The following TAFA2 variants were observed in gnomAD, a reference collection of about 807,000 sequenced individuals.
TAFA2 encodes the protein TAFA chemokine like family member 2.
A neutral mutation model predicts 18.8 loss-of-function variants in TAFA2; 7 were observed. The ratio of observed to expected loss-of-function variants is 0.37; its 90% CI spans 0.21 to 0.70. The LOEUF is 0.70. Among genes scored for constraint, TAFA2 ranks in the 30% least tolerant of loss-of-function variants. The pLI, the probability that TAFA2 is intolerant of heterozygous loss-of-function variation, is 0.53. For missense variants in TAFA2, 122 were observed against 158.1 expected (o/e 0.77, Z 1.23); for synonymous variants, 60 against 54.2 (o/e 1.11, Z -0.47).
chr12:62,147,729 C>CAAAAAAAAAAA (rs10552283), intron 1 of TAFA2, among the ~76,000 whole-genome samples: 1 of 76,376 alleles, frequency 1.3e-5, no homozygotes, highest in Non-Finnish European at 2.5e-5. Context: ...GACTCTGTCT[C>CAAAAAAAAAAA]AAAAAAAAAA....
In TAFA2 at chr12:62,127,606, G is replaced by A. The variant is rs779883513; in HGVS notation, c.-2+63653C>T. Among the ~76,000 whole-genome samples the A allele has an allele frequency of 5.9e-5, 9 of 151,956 alleles. No homozygotes were observed. The East Asian group carries it at 9.6e-4, about 16-fold the overall frequency. On this transcript the variant is annotated intron_variant, in intron 1 of 4. Coordinates refer to ENST00000416284, the MANE Select transcript of TAFA2 (RefSeq NM_178539.5). The stretch of plus-strand genomic sequence containing the variant: ...TTAAAGTCATTAATGGGGGATGGAC[G>A]TACTTTGAACTTCACGGTAGGCTTT...
chr12:62,259,323 T>C (rs888867006), upstream of TAFA2, among the ~76,000 whole-genome samples: 1 of 152,220 alleles, frequency 6.6e-6, no homozygotes, highest in African/African-American at 2.4e-5. Flanking sequence ...CCATCAGTAC[T>C]GTGCTAACCA....
chr12:61,792,191 C>A (rs192367452), intron 2 of TAFA2, among the ~76,000 whole-genome samples: 1 of 151,174 alleles, frequency 6.6e-6, no homozygotes, highest in Non-Finnish European at 1.5e-5. Flanking sequence ...GAATAGTGAA[C>A]CATGATTACC....
chr12:62,231,927 C>T (rs1346537945), intron 1 of TAFA2, among the ~76,000 whole-genome samples: 2 of 152,152 alleles, frequency 1.3e-5, no homozygotes, highest in Non-Finnish European at 2.9e-5. Context: ...TTGCTGGTCT[C>T]AAACTCCTGG....
intron 2 of TAFA2, among the ~76,000 whole-genome samples, chr12:61,794,614 T>C (rs185960469): frequency 4.6e-5 from 7 of 152,120 alleles, no homozygotes; most frequent in Non-Finnish European, 8.8e-5. Flanking sequence ...TTAGGTCCAT[T>C]GTAATCCTAA....
In TAFA2 at chr12:62,149,586, A is replaced by ATT. The variant is rs1281517379; in HGVS notation, c.-2+41671_-2+41672dup. On this transcript the variant is annotated intron_variant, in intron 1 of 4. Transcript: ENST00000416284. ...ATATTCTATTTATATATATATACACATTATATATATATATATACTCTTGAC... is the reference window on the plus strand; with the variant it reads ...ATATTCTATTTATATATATATACACATTTTATATATATATATATACTCTTGAC... Among the ~76,000 whole-genome samples the ATT allele has an allele frequency of 6.1e-5, 9 of 146,802 alleles. No homozygotes were observed. The South Asian group carries it at 1.5e-3, about 25-fold the overall frequency.
At chr12:62,064,431 A>C (rs1882434191) in intron 1 of TAFA2, among the ~76,000 whole-genome samples, 1 of 152,092 alleles carries the variant, frequency 6.6e-6, no homozygotes, top group African/African-American at 2.4e-5. Flanking sequence ...TAAACAACTT[A>C]CCTGTTTTCT....
chr12:61,918,034 G>A (rs911384477), intron 1 of TAFA2, among the ~76,000 whole-genome samples: 5 of 151,502 alleles, frequency 3.3e-5, no homozygotes, highest in African/African-American at 4.9e-5. Context: ...CATTTGTCTG[G>A]GTACATAGTG....
At chr12:61,896,115 G>C (rs967871005) in intron 1 of TAFA2, among the ~76,000 whole-genome samples, 4 of 152,128 alleles carry the variant, frequency 2.6e-5, no homozygotes, top group African/African-American at 7.2e-5. Context: ...AGGGTGATGG[G>C]TCAGCAGGAT....
intron 2 of TAFA2, among the ~76,000 whole-genome samples, chr12:61,837,931 T>A (rs915425181): frequency 2.0e-5 from 3 of 152,040 alleles, no homozygotes; most frequent in African/African-American, 7.2e-5. Flanking sequence ...AATAGACATT[T>A]GAGTTGGCAG....
At chr12:61,887,212 G>A (rs965395313) in intron 1 of TAFA2, among the ~76,000 whole-genome samples, 11 of 152,114 alleles carry the variant, frequency 7.2e-5, no homozygotes, top group Non-Finnish European at 4.4e-5. Context: ...CCCTCCCCAG[G>A]ACAAGCTGAA....
chr12:61,955,616 AAAAAAAAAAAAAAAAAATATAT>A (rs1244016683), intron 1 of TAFA2, among the ~76,000 whole-genome samples: 3 of 28,596 alleles, frequency 1.0e-4, no homozygotes, highest in African/African-American at 2.9e-4. Flanking sequence ...AAAAAAAAAA[AAAAAAAAAAAAAAAAAATATAT>A]ATATATATAT....
intron 1 of TAFA2, among the ~76,000 whole-genome samples, chr12:62,144,334 CA>C (rs1470020720): frequency 1.3e-5 from 2 of 152,042 alleles, no homozygotes; most frequent in Non-Finnish European, 2.9e-5. Context: ...CTGGAACCAC[CA>C]CTATAGAGGC....
chr12:61,931,680 G>A (rs1337282425), intron 1 of TAFA2, among the ~76,000 whole-genome samples: 2 of 152,174 alleles, frequency 1.3e-5, no homozygotes, highest in Non-Finnish European at 2.9e-5. Flanking sequence ...TTTAACTCTA[G>A]TTCCATGCAT....
At chr12:61,898,530 T>A (rs1875954960) in intron 1 of TAFA2, among the ~76,000 whole-genome samples, 1 of 152,158 alleles carries the variant, frequency 6.6e-6, no homozygotes, top group South Asian at 2.1e-4. Flanking sequence ...AGGACTAACA[T>A]CATGTGGAAG....
chr12:61,933,119 T>C (rs1381701574), intron 1 of TAFA2, among the ~76,000 whole-genome samples: 2 of 152,170 alleles, frequency 1.3e-5, no homozygotes, highest in Non-Finnish European at 2.9e-5. Flanking sequence ...TAAAGGAGGT[T>C]CTTGTACTGA....
intron 1 of TAFA2, among the ~76,000 whole-genome samples, chr12:62,242,066 T>C (rs1386374038): frequency 6.6e-6 from 1 of 152,138 alleles, no homozygotes; most frequent in African/African-American, 2.4e-5. Context: ...ATTCTAAGAA[T>C]GATGACAAAG....
At chr12:62,202,075 CAAT>C (rs1406951374) in intron 1 of TAFA2, among the ~76,000 whole-genome samples, 7 of 152,088 alleles carry the variant, frequency 4.6e-5, no homozygotes, top group Non-Finnish European at 1.0e-4. Context: ...TCTGTGGGGT[CAAT>C]GATGATATCC....
intron 1 of TAFA2, among the ~76,000 whole-genome samples, chr12:62,199,528 A>C (rs1318467165): frequency 6.6e-6 from 1 of 152,094 alleles, no homozygotes; most frequent in East Asian, 1.9e-4. Context: ...TTCCCTGCAA[A>C]GGACATGATC....
Sources: gnomAD v4.1 joint callset for allele counts (sites outside exome capture counted in the v4.1 genomes callset) on GRCh38, gnomAD v4.1.1 for gene constraint, MANE v1.5 for transcripts, NCBI Gene and HGNC (gene_info 2026-07-23, HGNC 2026-07-21) for gene names.